ADGRD1: variants seen among roughly 807,000 people sequenced by gnomAD.
The protein encoded by ADGRD1 is G-protein coupled receptor 133.
In ADGRD1, 77 loss-of-function variants were observed where a neutral mutation model predicts 113.4. The ratio of observed to expected loss-of-function variants is 0.68; its 90% CI spans 0.57 to 0.82. The LOEUF (loss-of-function observed/expected upper bound fraction) is 0.82, where lower values mean the gene tolerates loss of function less well. Among genes scored for constraint, ADGRD1 ranks in the 40% least tolerant of loss-of-function variants. The pLI, the probability that ADGRD1 is intolerant of heterozygous loss-of-function variation, is 0.00. For synonymous variants in ADGRD1, 474 were observed against 475.0 expected, an observed-to-expected ratio of 1.00 and a Z score of 0.03; for missense variants, 1,036 against 1,139.1, an observed-to-expected ratio of 0.91 and a Z score of 1.30.
chr12:131,126,825 A>C (rs988354247), intron 20 of ADGRD1, among the ~76,000 whole-genome samples: 11 of 152,214 alleles, frequency 7.2e-5, no homozygotes, highest in African/African-American at 2.7e-4. Flanking sequence ...CACACTGTAC[A>C]TGCCTCAGTC....
chr12:131,137,783 T>C (rs1358371704), intron 23 of ADGRD1: 1 of 321,456 alleles, frequency 3.1e-6, no homozygotes, highest in Non-Finnish European at 6.1e-6. Context: ...TGGATCCCGG[T>C]GGCAGGAAGG....
At chr12:130,992,968 G>A (rs911444735) in intron 8 of ADGRD1, among the ~76,000 whole-genome samples, 3 of 152,156 alleles carry the variant, frequency 2.0e-5, no homozygotes, top group African/African-American at 7.2e-5. Flanking sequence ...TGGTGGATGC[G>A]AAGACAGAAG....
intron 13 of ADGRD1, among the ~76,000 whole-genome samples, chr12:131,017,561 ACACT>A (rs1369660106): frequency 6.7e-6 from 1 of 149,328 alleles, no homozygotes; most frequent in East Asian, 2.0e-4. Context: ...CTCACTCCAC[ACACT>A]CAGTCCACAC....
At chr12:130,969,021 A>G in intron 3 of ADGRD1, 2 of 1,535,104 alleles carry the variant, frequency 1.3e-6, no homozygotes, top group Non-Finnish European at 1.7e-6. Context: ...CCGTAATGCT[A>G]CTTTTGTGTA....
chr12:130,961,328 A>G (rs1593257700), intron 2 of ADGRD1, among the ~76,000 whole-genome samples: 1 of 152,340 alleles, frequency 6.6e-6, no homozygotes, highest in African/African-American at 2.4e-5. Flanking sequence ...AAAACATTAC[A>G]TATGGATGAT....
At chr12:131,034,431 G>C (rs1485714928) in intron 13 of ADGRD1, among the ~76,000 whole-genome samples, 2 of 152,224 alleles carry the variant, frequency 1.3e-5, no homozygotes, top group African/African-American at 2.4e-5. Flanking sequence ...ACATCAGCTG[G>C]CTCCTTTTCT....
At position 131,139,432 on chromosome 12, in the gene ADGRD1, G is replaced by A; in HGVS notation, c.*169G>A. 1.7e-6 allele frequency: 1 copy of A among 602,378 alleles called. No homozygotes were observed. The highest frequency in any genetic ancestry group is 3.0e-6 in the Non-Finnish European group (1 of 332,654). 37.3% of individuals were successfully genotyped at this position (602,378 alleles called of 1,614,324 possible). A position where few individuals can be genotyped will look rare whatever the true frequency, so the allele number is the denominator to read the frequency against. ...GTGACTCTGGCTGTCGGAGCACACT[G>A]CTCAGCCCAGCAGCCTGATGCCCAG... On this transcript the variant is annotated 3_prime_UTR_variant, in exon 25 of 25. Coordinates refer to ENST00000261654, the MANE Select transcript of ADGRD1 (RefSeq NM_198827.5).
At chr12:131,121,706 G>T (rs915117221) in intron 20 of ADGRD1, among the ~76,000 whole-genome samples, 2 of 152,184 alleles carry the variant, frequency 1.3e-5, no homozygotes, top group Non-Finnish European at 2.9e-5. Context: ...ACACGGATGG[G>T]GATTTACAGG....
chr12:130,985,203 C>A (rs1031378500), intron 5 of ADGRD1, among the ~76,000 whole-genome samples: 1 of 151,872 alleles, frequency 6.6e-6, no homozygotes, highest in Non-Finnish European at 1.5e-5. Flanking sequence ...TCCCAAAATG[C>A]GGGTCGTTTG....
chr12:131,031,825 C>T (rs73477358), intron 13 of ADGRD1, among the ~76,000 whole-genome samples: 20,609 of 152,226 alleles, frequency 0.14, 4,247 homozygotes, highest in African/African-American at 0.45. Context: ...ACATCCGGGT[C>T]ACTTCTGCCA....
chr12:130,980,055 C>T (rs1393910517), intron 4 of ADGRD1, among the ~76,000 whole-genome samples: 75 of 151,360 alleles, frequency 5.0e-4, no homozygotes, highest in Non-Finnish European at 1.6e-4. Flanking sequence ...GAGTGCAGAA[C>T]AGCGGTCGGG....
chr12:130,955,508 G>A (rs944078106), intron 2 of ADGRD1, among the ~76,000 whole-genome samples: 1 of 152,210 alleles, frequency 6.6e-6, no homozygotes, highest in Non-Finnish European at 1.5e-5. Context: ...ACCCTTCGCT[G>A]TTAAGAGTGT....
chr12:131,054,018 C>T (rs1482105400), intron 13 of ADGRD1, among the ~76,000 whole-genome samples: 1 of 152,182 alleles, frequency 6.6e-6, no homozygotes, highest in Non-Finnish European at 1.5e-5. Flanking sequence ...TGCTTCCCCT[C>T]ACCTTGGGTT....
chr12:130,981,659 C>T (rs185272366), intron 4 of ADGRD1, among the ~76,000 whole-genome samples: 16 of 152,206 alleles, frequency 1.1e-4, no homozygotes, highest in Non-Finnish European at 1.5e-4. Flanking sequence ...TTTTAAAAGG[C>T]GAGAATTCAT....
chr12:131,055,413 T>C (rs567563763), intron 13 of ADGRD1, among the ~76,000 whole-genome samples: 2 of 152,326 alleles, frequency 1.3e-5, no homozygotes, highest in Admixed American at 6.5e-5. Flanking sequence ...GATGGGCTCA[T>C]GTACATATGG....
rs562759175 is a variant in ADGRD1, at chr12:131,066,700, C to T, written c.1474-10101C>T. 3.0e-4 allele frequency among the ~76,000 whole-genome samples: 45 copies of T among 152,298 alleles called. No individual in the cohort carries two copies. In the South Asian group the frequency reaches 9.3e-3, roughly 32 times the overall value. On this transcript the variant is annotated intron_variant, in intron 13 of 24. Coordinates refer to ENST00000261654, the MANE Select transcript of ADGRD1 (RefSeq NM_198827.5). ...ACATGCAAGATCAGATCCCAAGGAG[C>T]AGCACGTGGGAGGCCTGCTGGCAGG...
chr12:131,083,704 C>T (rs909942109), intron 14 of ADGRD1, among the ~76,000 whole-genome samples: 3 of 152,172 alleles, frequency 2.0e-5, no homozygotes, highest in Admixed American at 6.5e-5. Flanking sequence ...CACAGTTAAC[C>T]GAGAGCACGT....
intron 8 of ADGRD1, 59 bp downstream of exon 8, chr12:130,992,451 T>C (rs973060740): frequency 5.0e-6 from 7 of 1,414,064 alleles, no homozygotes; most frequent in Admixed American, 2.1e-5. Flanking sequence ...ACCGGGACCA[T>C]AGATGTTTCT....
chr12:131,069,386 T>C (rs1408870240), intron 13 of ADGRD1: 1 of 152,216 alleles, frequency 6.6e-6, no homozygotes, highest in Non-Finnish European at 1.5e-5. Flanking sequence ...CTCCGTCACT[T>C]GCCGTGAGTC....
Sources: allele counts gnomAD v4.1 joint callset (sites outside exome capture counted in the v4.1 genomes callset), GRCh38; gene constraint gnomAD v4.1.1; transcripts MANE v1.5; gene names NCBI Gene and HGNC (gene_info 2026-07-23, HGNC 2026-07-21).